The following STS variants were observed in gnomAD, a reference collection of about 807,000 sequenced individuals.
STS encodes steryl-sulfatase.
Under a neutral mutation model 26.8 loss-of-function variants are expected in STS, and 7 were observed. The ratio of observed to expected loss-of-function variants is 0.26; its 90% confidence interval spans 0.15 to 0.49. The LOEUF (loss-of-function observed/expected upper bound fraction) is 0.49. Among genes scored for constraint, STS ranks in the 20% least tolerant of loss-of-function variants. The pLI is 0.98. For missense variants in STS, 434 were observed against 465.6 expected (o/e 0.93, Z 0.63); for synonymous variants, 199 against 189.4 (o/e 1.05, Z -0.42).
At chrX:7,218,399 T>A (rs1921399223) in intron 2 of STS, among the ~76,000 whole-genome samples, 1 of 112,483 alleles carries the variant, frequency 8.9e-6, no homozygotes, top group Non-Finnish European at 1.9e-5. Context: ...AGTTGGCTTT[T>A]TTGAATCATT....
At chrX:7,268,323 A>G (rs745525780) in intron 6 of STS, among the ~76,000 whole-genome samples, 21 of 112,194 alleles carry the variant, frequency 1.9e-4, no homozygotes, top group Non-Finnish European at 3.8e-4. Flanking sequence ...ATGTACTGCT[A>G]TCACCATTTG....
chrX:7,232,487 T>C (rs1359618644), intron 2 of STS, among the ~76,000 whole-genome samples: 1 of 111,941 alleles, frequency 8.9e-6, no homozygotes, highest in Non-Finnish European at 1.9e-5. Context: ...AGTTTGTCTC[T>C]GATATCTTTT....
At chrX:7,317,600 C>G (rs1397354718) in intron 8 of STS, among the ~76,000 whole-genome samples, 1 of 111,290 alleles carries the variant, frequency 9.0e-6, no homozygotes, top group Non-Finnish European at 1.9e-5. Context: ...TCCCATGTAG[C>G]TGGGACTAGA....
At chrX:7,273,269 A>G (rs965400840) in intron 6 of STS, among the ~76,000 whole-genome samples, 5 of 111,902 alleles carry the variant, frequency 4.5e-5, no homozygotes. Context: ...GGGAAACTAG[A>G]GAATACTGAA....
At chrX:7,204,734 CCTT>C (rs1306561049) in intron 2 of STS, among the ~76,000 whole-genome samples, 2 of 101,801 alleles carry the variant, frequency 2.0e-5, no homozygotes, top group African/African-American at 7.2e-5. Context: ...TCCTTCCTTC[CCTT>C]CTTTCTTCCT....
intron 9 of STS, among the ~76,000 whole-genome samples, chrX:7,329,991 G>A (rs868863062): frequency 8.9e-6 from 1 of 111,767 alleles, no homozygotes; most frequent in Non-Finnish European, 1.9e-5. Flanking sequence ...ATGTGCTTAC[G>A]TGAGATTTCT....
intron 2 of STS, among the ~76,000 whole-genome samples, chrX:7,249,840 A>G (rs753900705): frequency 9.0e-5 from 10 of 111,591 alleles, no homozygotes; most frequent in African/African-American, 3.3e-4. Flanking sequence ...TATTACCTGA[A>G]TATTATATGA....
intron 2 of STS, among the ~76,000 whole-genome samples, chrX:7,212,627 T>C (rs1443146810): frequency 8.9e-6 from 1 of 112,240 alleles, no homozygotes; most frequent in Non-Finnish European, 1.9e-5. Context: ...AGATAGCTCA[T>C]CTACAGATCC....
At chrX:7,338,436 C>T (rs1215924461) in intron 10 of STS, among the ~76,000 whole-genome samples, 3 of 111,989 alleles carry the variant, frequency 2.7e-5, no homozygotes, top group African/African-American at 3.2e-5. Flanking sequence ...CAGCTTAAAG[C>T]GTTTTGTACA....
At chrX:7,326,722 G>A (rs776034280) in intron 9 of STS, among the ~76,000 whole-genome samples, 63 of 112,436 alleles carry the variant, frequency 5.6e-4, no homozygotes, top group African/African-American at 1.8e-3. Flanking sequence ...CAGACCAGGC[G>A]AATGTCACGC....
intron 1 of STS, among the ~76,000 whole-genome samples, chrX:7,148,477 G>C (rs1391235578): frequency 8.9e-6 from 1 of 112,984 alleles, no homozygotes; most frequent in Non-Finnish European, 1.9e-5. Context: ...CTTGAGTTTG[G>C]ATCAGGGGTG....
At chrX:7,241,632 T>C (rs1344657925) in intron 2 of STS, among the ~76,000 whole-genome samples, 1 of 112,137 alleles carries the variant, frequency 8.9e-6, no homozygotes, top group Non-Finnish European at 1.9e-5. Context: ...TCGTCCTCAT[T>C]GACAAAATTG....
intron 10 of STS, among the ~76,000 whole-genome samples, chrX:7,337,625 G>A (rs191013040): frequency 8.9e-6 from 1 of 112,368 alleles, no homozygotes; most frequent in Admixed American, 9.5e-5. Context: ...GTAGTATTAG[G>A]GTTTAGTAGC....
At chrX:7,220,125 C>A (rs1921483652) in intron 2 of STS, among the ~76,000 whole-genome samples, 2 of 111,479 alleles carry the variant, frequency 1.8e-5, no homozygotes, top group Admixed American at 9.5e-5. Context: ...GTTTCTGTCT[C>A]CATTGGTGTG....
At chrX:7,304,499 A>T (rs1926122474) in intron 7 of STS, among the ~76,000 whole-genome samples, 1 of 111,525 alleles carries the variant, frequency 9.0e-6, no homozygotes, top group Admixed American at 9.6e-5. Flanking sequence ...TCCTCTATCA[A>T]TGAGGAATAT....
At chrX:7,213,044 G>C (rs143940415) in intron 2 of STS, among the ~76,000 whole-genome samples, 1 of 111,243 alleles carries the variant, frequency 9.0e-6, no homozygotes, top group Non-Finnish European at 1.9e-5. Flanking sequence ...AGCCTCAAGC[G>C]ATCCTCCTTC....
intron 8 of STS, among the ~76,000 whole-genome samples, chrX:7,323,814 C>A: frequency 9.0e-6 from 1 of 111,615 alleles, no homozygotes. Context: ...TATTCCTTGC[C>A]TTATCCAACT....
chrX:7,205,260 G>C (rs1475848008), intron 2 of STS, among the ~76,000 whole-genome samples: 3 of 112,554 alleles, frequency 2.7e-5, no homozygotes, highest in South Asian at 7.3e-4. Flanking sequence ...TGGTTTCATA[G>C]TGAGGAAGAG....
intron 10 of STS, among the ~76,000 whole-genome samples, chrX:7,347,233 C>T (rs774926840): frequency 1.8e-5 from 2 of 111,247 alleles, no homozygotes; most frequent in East Asian, 2.8e-4. Flanking sequence ...CTTCCAAAGT[C>T]GGGGTTGTTA....
Sources: gnomAD v4.1 joint callset for allele counts (sites outside exome capture counted in the v4.1 genomes callset) on GRCh38, gnomAD v4.1.1 for gene constraint, MANE v1.5 for transcripts, NCBI Gene and HGNC (gene_info 2026-07-23, HGNC 2026-07-21) for gene names.